The following SYNDIG1 variants were observed in gnomAD, a reference collection of about 807,000 sequenced individuals.
The protein encoded by SYNDIG1 is synapse differentiation-inducing gene protein 1.
SYNDIG1 carries 9 observed loss-of-function variants against 19.4 expected under a neutral mutation model. The ratio of observed to expected loss-of-function variants is 0.46; its 90% CI spans 0.28 to 0.81. The LOEUF is 0.81. Ranked by LOEUF, SYNDIG1 falls within the 30% of genes least tolerant of loss-of-function variation. SYNDIG1 has a pLI of 0.12. For missense variants in SYNDIG1, 311 were observed against 343.3 expected (o/e 0.91, Z 0.74); for synonymous variants, 141 against 145.9 (o/e 0.97, Z 0.24).
chr20:24,496,764 T>C (rs959895058), intron 1 of SYNDIG1, among the ~76,000 whole-genome samples: 3 of 152,240 alleles, frequency 2.0e-5, no homozygotes, highest in Non-Finnish European at 4.4e-5. Flanking sequence ...ACTAAAGCAC[T>C]ATATCCCCTG....
intron 1 of SYNDIG1, among the ~76,000 whole-genome samples, chr20:24,477,009 A>G (rs2055647311): frequency 6.6e-6 from 1 of 152,206 alleles, no homozygotes. Context: ...ATATTTGAGG[A>G]CATCACAGTC....
intron 3 of SYNDIG1, among the ~76,000 whole-genome samples, chr20:24,618,015 CT>C: frequency 1.2e-5 from 1 of 85,066 alleles, no homozygotes; most frequent in Non-Finnish European, 2.3e-5. Context: ...AAGGGAGATG[CT>C]GAGAGAGAGC....
chr20:24,507,112 G>A (rs1235320601), intron 1 of SYNDIG1, among the ~76,000 whole-genome samples: 1 of 152,088 alleles, frequency 6.6e-6, no homozygotes, highest in Non-Finnish European at 1.5e-5. Flanking sequence ...CACACACTTC[G>A]TCATCAGCCG....
At chr20:24,618,009 G>A (rs1174350528) in intron 3 of SYNDIG1, among the ~76,000 whole-genome samples, 1 of 138,590 alleles carries the variant, frequency 7.2e-6, no homozygotes, top group Non-Finnish European at 1.6e-5. Context: ...CTGGGGAAGG[G>A]AGATGCTGAG....
At position 24,541,658 on chromosome 20, in the gene SYNDIG1, A is replaced by G. The variant is rs377367480; in HGVS notation, c.-78-1362A>G. Among the ~76,000 whole-genome samples, 11 of 152,374 alleles carry G rather than the reference A, an allele frequency of 7.2e-5. No individual in the cohort carries two copies. The East Asian group carries it at 9.6e-4, about 13-fold the overall frequency. ...ATGCAGCCCAGAAAGTGTTTGGTCA[A>G]GAGAAGGGAGCATCCTAGACATAGC... On this transcript the variant is annotated intron_variant, in intron 1 of 3. Transcript: ENST00000376862.
At chr20:24,617,597 C>T (rs2058958311) in intron 3 of SYNDIG1, among the ~76,000 whole-genome samples, 1 of 152,284 alleles carries the variant, frequency 6.6e-6, no homozygotes, top group East Asian at 1.9e-4. Flanking sequence ...CCCATTTCAC[C>T]CTCAGACTCC....
chr20:24,598,401 C>G (rs956440342), intron 3 of SYNDIG1, among the ~76,000 whole-genome samples: 5 of 152,238 alleles, frequency 3.3e-5, no homozygotes, highest in East Asian at 1.9e-4. Flanking sequence ...CAGATATACC[C>G]AGAGCCACTG....
chr20:24,486,892 C>T (rs1310882768), intron 1 of SYNDIG1, among the ~76,000 whole-genome samples: 9 of 152,062 alleles, frequency 5.9e-5, no homozygotes, highest in Admixed American at 5.2e-4. Flanking sequence ...CTCCTGACCT[C>T]GTGATCCACC....
chr20:24,607,810 T>A (rs2058781327), intron 3 of SYNDIG1, among the ~76,000 whole-genome samples: 1 of 152,242 alleles, frequency 6.6e-6, no homozygotes, highest in African/African-American at 2.4e-5. Context: ...CCTAATGATC[T>A]TTTAAAACTC....
chr20:24,548,295 T>G (rs2146771160), intron 2 of SYNDIG1, among the ~76,000 whole-genome samples: 1 of 152,318 alleles, frequency 6.6e-6, no homozygotes, highest in South Asian at 2.1e-4. Flanking sequence ...TCCAGTAAAC[T>G]TCTGTTTCAG....
chr20:24,475,124 G>C (rs140025093), intron 1 of SYNDIG1, among the ~76,000 whole-genome samples: 180 of 152,212 alleles, frequency 1.2e-3, no homozygotes, highest in African/African-American at 4.2e-3. Flanking sequence ...TATGATCTTG[G>C]TCCTCACATG....
At chr20:24,633,513 T>G (rs914006014) in intron 3 of SYNDIG1, among the ~76,000 whole-genome samples, 5 of 152,150 alleles carry the variant, frequency 3.3e-5, no homozygotes, top group African/African-American at 1.2e-4. Context: ...CCAAAGAACC[T>G]TGTTGAAACC....
intron 3 of SYNDIG1, among the ~76,000 whole-genome samples, chr20:24,618,680 C>T (rs2058987890): frequency 6.6e-6 from 1 of 152,192 alleles, no homozygotes; most frequent in Non-Finnish European, 1.5e-5. Flanking sequence ...GTGCATAATG[C>T]TAATGTCCTC....
intron 2 of SYNDIG1, among the ~76,000 whole-genome samples, chr20:24,545,243 A>T (rs1451363097): frequency 2.0e-5 from 3 of 152,122 alleles, no homozygotes; most frequent in Non-Finnish European, 4.4e-5. Context: ...GAGTCGTGGC[A>T]TGGAAGAGGA....
intron 1 of SYNDIG1, among the ~76,000 whole-genome samples, chr20:24,488,311 A>T (rs1042618020): frequency 2.6e-5 from 4 of 152,234 alleles, no homozygotes; most frequent in Non-Finnish European, 5.9e-5. Context: ...ATTCACAGTG[A>T]ACCAGACGTG....
rs557401274 is a variant in SYNDIG1, at chr20:24,502,662, C to G, written c.-79+32909C>G. 4.3e-4 allele frequency among the ~76,000 whole-genome samples: 65 copies of G among 152,344 alleles called. 1 individual carries two copies. Among genetic ancestry groups the G allele is most frequent in the Admixed American group, 3.5e-3 (54 of 15,302 alleles). On this transcript the variant is annotated intron_variant, in intron 1 of 3. Transcript: ENST00000376862. The stretch of plus-strand genomic sequence containing the variant: ...GTGATTTTTAAGAGTTAGTGTCATT[C>G]CATGGATGTCCCATTCAAATCTTTG...
At chr20:24,649,453 C>T (rs191044121) in intron 3 of SYNDIG1, among the ~76,000 whole-genome samples, 9 of 152,216 alleles carry the variant, frequency 5.9e-5, no homozygotes, top group African/African-American at 2.2e-4. Flanking sequence ...AACTTCTCAG[C>T]GGGGCTCTTG....
intron 2 of SYNDIG1, among the ~76,000 whole-genome samples, chr20:24,574,323 TAAA>T (rs11347171): frequency 5.6e-5 from 8 of 142,472 alleles, no homozygotes; most frequent in Non-Finnish European, 1.5e-5. Flanking sequence ...ATTAAAAACC[TAAA>T]AAAAAAAAAA....
Position 24,608,710 on chromosome 20 carries a change from C to T in SYNDIG1, c.618+23717C>T, listed in dbSNP as rs561514246. Among the ~76,000 whole-genome samples the T allele has an allele frequency of 1.1e-4, 16 of 152,202 alleles. No homozygotes were observed. The South Asian group carries it at 2.9e-3, about 28-fold the overall frequency. On this transcript the variant is annotated intron_variant, in intron 3 of 3. Coordinates refer to ENST00000376862, the MANE Select transcript of SYNDIG1 (RefSeq NM_024893.3). The stretch of plus-strand genomic sequence containing the variant: ...CTGTTGGTAAGCAAAAGCTTTCAGC[C>T]ACAAATAAGGCAACAAGTACCTCTC...
Sources: allele counts gnomAD v4.1 joint callset (sites outside exome capture counted in the v4.1 genomes callset), GRCh38; gene constraint gnomAD v4.1.1; transcripts MANE v1.5; gene names NCBI Gene and HGNC (gene_info 2026-07-23, HGNC 2026-07-21).